The following ERCC6 variants were observed in gnomAD, a reference collection of about 807,000 sequenced individuals.
ERCC6 encodes DNA excision repair protein ERCC-6.
A neutral mutation model predicts 158.7 loss-of-function variants in ERCC6; 116 were observed. The ratio of observed to expected loss-of-function variants is 0.73; its 90% CI spans 0.63 to 0.85. ERCC6 has a LOEUF of 0.85. Among genes scored for constraint, ERCC6 ranks in the 40% least tolerant of loss-of-function variants. ERCC6 has a pLI of 0.00. For synonymous variants in ERCC6, 678 were observed against 659.3 expected (o/e 1.03, Z -0.43); for missense variants, 1,698 against 1,799.4 (o/e 0.94, Z 1.02).
Position 49,524,146 on chromosome 10 carries a change from T to TG in ERCC6, c.1283dup (p.Ser429LysfsTer7), listed in dbSNP as rs1837248544. ...CAGCTTCAGCTTCTTCCCCAGAACT[T>TG]GGGAAAAAGTCATCATCAATCTCCT... On this transcript the variant is annotated frameshift_variant, in exon 5 of 21. Transcript: ENST00000355832. LOFTEE classifies it high-confidence loss of function. The TG allele has an allele frequency of 6.2e-7, 1 of 1,614,102 alleles. No homozygotes were observed.
chr10:49,513,046 G>A (rs1157468881), intron 5 of ERCC6, among the ~76,000 whole-genome samples: 1 of 152,166 alleles, frequency 6.6e-6, no homozygotes, highest in Non-Finnish European at 1.5e-5. Flanking sequence ...CTGCCTTGGT[G>A]GAATCTTTGT....
At position 49,470,913 on chromosome 10, in the gene ERCC6, A is replaced by G. The variant is rs566909606; in HGVS notation, c.3071-24T>C. Reference sequence around the variant, plus strand: ...TCCTGTAAAGAGGAAAAACACCACTAATACTATATTGTATCATCTTGTGCA... The same window carrying G: ...TCCTGTAAAGAGGAAAAACACCACTGATACTATATTGTATCATCTTGTGCA... On this transcript the variant is annotated intron_variant, in intron 17 of 20. Transcript: ENST00000355832. 3.7e-6 allele frequency: 6 copies of G among 1,613,532 alleles called. No individual in the cohort carries two copies. The African/African-American group carries it at 8.0e-5, about 22-fold the overall frequency.
chr10:49,466,425 G>A (rs892539526), intron 18 of ERCC6, among the ~76,000 whole-genome samples: 1 of 152,200 alleles, frequency 6.6e-6, no homozygotes, highest in African/African-American at 2.4e-5. Flanking sequence ...CTAGGGTGCT[G>A]AAATGAAATT....
chr10:49,436,475 C>T, the ERCC6 span, among the ~76,000 whole-genome samples: 1 of 151,804 alleles, frequency 6.6e-6, no homozygotes, highest in African/African-American at 2.4e-5. Context: ...CCCTACAAAT[C>T]AATAAGAGAA....
intron 10 of ERCC6, 94 bp downstream of exon 10, chr10:49,482,593 T>A: frequency 9.7e-7 from 1 of 1,035,486 alleles, no homozygotes; most frequent in Non-Finnish European, 1.4e-6. Context: ...GCCATCTTTC[T>A]CACATTCTGA....
chr10:49,515,400 G>C, intron 5 of ERCC6: 1 of 1,614,130 alleles, frequency 6.2e-7, no homozygotes, highest in Non-Finnish European at 8.5e-7. Context: ...ACATCGAAAA[G>C]TTGTGTTCTT....
At position 49,488,741 on chromosome 10, in the gene ERCC6, C is replaced by T. The variant is rs191684401; in HGVS notation, c.1821+4376G>A. Among the ~76,000 whole-genome samples, 318 of 150,892 alleles carry T rather than the reference C, an allele frequency of 2.1e-3. 3 individuals carry two copies. The highest frequency in any genetic ancestry group is 3.8e-3 in the Non-Finnish European group (256 of 67,814). On this transcript the variant is annotated intron_variant, in intron 8 of 20. Transcript: ENST00000355832. ...TCAGAAAACAGGCCCTTTTAAAGAA[C>T]ATGTTGATGGGAGTTTCATCGGATG...
chr10:49,539,124 A>T (rs1590504464), upstream of ERCC6: 1 of 152,314 alleles, frequency 6.6e-6, no homozygotes, highest in African/African-American at 2.4e-5. Flanking sequence ...CCCGTGGCGC[A>T]TGCGCCTGGC....
intron 18 of ERCC6, among the ~76,000 whole-genome samples, chr10:49,464,317 C>G (rs1028377862): frequency 6.6e-6 from 1 of 152,032 alleles, no homozygotes; most frequent in South Asian, 2.1e-4. Context: ...GGGTATCTGG[C>G]GGAAGAAATT....
At position 49,457,933 on chromosome 10, in the gene ERCC6, T is replaced by C. The variant is rs1489060339; in HGVS notation, c.*882A>G. The C allele has an allele frequency of 6.6e-6, 1 of 152,198 alleles. No homozygotes were observed. Among genetic ancestry groups the C allele is most frequent in the Non-Finnish European group, 1.5e-5 (1 of 68,058 alleles). The allele number at this position is 152,198 out of a possible 1,614,324, so 9.4% of individuals were successfully genotyped here. A position where few individuals can be genotyped will look rare whatever the true frequency, so the allele number is the denominator to read the frequency against. Reference sequence around the variant, plus strand: ...AAGGCAGGCGCAAGACGAAGGCAACTGGAGAGAAGACAGCCTGCCAGCCTG... The same window carrying C: ...AAGGCAGGCGCAAGACGAAGGCAACCGGAGAGAAGACAGCCTGCCAGCCTG... On this transcript the variant is annotated 3_prime_UTR_variant, in exon 21 of 21. Transcript: ENST00000355832.
At position 49,461,561 on chromosome 10, in the gene ERCC6, C is replaced by G. The variant is rs1850584184; in HGVS notation, c.3779-5G>C. ...TCATGACACTGTGCACGCCAACTAG[C>G]AAGAAAAGAAATAGCAAAGTGATAT... On this transcript the variant is annotated splice_region_variant and splice_polypyrimidine_tract_variant and intron_variant, in intron 18 of 20. Coordinates refer to ENST00000355832, the MANE Select transcript of ERCC6 (RefSeq NM_000124.4). The G allele has an allele frequency of 1.2e-6, 2 of 1,610,924 alleles. No individual in the cohort carries two copies. Among genetic ancestry groups the G allele is most frequent in the Non-Finnish European group, 8.5e-7 (1 of 1,178,518 alleles).
chr10:49,445,845 T>C, the ERCC6 span, among the ~76,000 whole-genome samples: 1 of 152,138 alleles, frequency 6.6e-6, no homozygotes. Context: ...GACAAAAATA[T>C]GGGCTTGCTT....
chr10:49,524,338 C>T lies in ERCC6; in HGVS notation c.1092G>A (p.Glu364=), dbSNP rs1257006928. Residue 364 remains glutamate, a synonymous_variant, in exon 5 of 21, where the codon GAG becomes GAA. Transcript: ENST00000355832. ...CAGACTCTTCACCCTCAGAGTCTCCCTCTGCCTCTGGCCTCATGTCTGACT... is the reference window on the plus strand; with the variant it reads ...CAGACTCTTCACCCTCAGAGTCTCCTTCTGCCTCTGGCCTCATGTCTGACT... ...PWESDMRPEA[E]GDSEGEESEY... is the part of the protein sequence containing the mutation. 45 of 1,614,072 alleles carry T rather than the reference C, an allele frequency of 2.8e-5. No homozygotes were observed. The highest frequency in any genetic ancestry group is 3.7e-5 in the Non-Finnish European group (44 of 1,180,052).
the ERCC6 span, among the ~76,000 whole-genome samples, chr10:49,435,433 G>A: frequency 6.6e-6 from 1 of 152,096 alleles, no homozygotes; most frequent in Admixed American, 6.6e-5. Flanking sequence ...AACAAAAGTG[G>A]CCTCAAGAAA....
chr10:49,466,789 AG>A, intron 18 of ERCC6, among the ~76,000 whole-genome samples: 2 of 152,248 alleles, frequency 1.3e-5, no homozygotes, highest in South Asian at 4.1e-4. Flanking sequence ...ATTGTTGATT[AG>A]TATATATATT....
chr10:49,504,204 A>T (rs1242249865), intron 6 of ERCC6: 1 of 152,100 alleles, frequency 6.6e-6, no homozygotes, highest in African/African-American at 2.4e-5. Context: ...AGAAAAATGG[A>T]GACTCTATCA....
Position 49,483,437 on chromosome 10 carries a change from T to C in ERCC6, c.1901A>G (p.Asp634Gly), listed in dbSNP as rs1269117037. The change falls in exon 9 of 21, where the codon GAC becomes GGC. Residue 634 changes from aspartate to glycine, a missense_variant. Asp to Gly is a moderately conservative substitution (Grantham distance 94, BLOSUM62 -1). Transcript: ENST00000355832. ...SYSYIRLMQDDISRYDWHYVI... is the reference protein window; with the variant it reads ...SYSYIRLMQDGISRYDWHYVI... ...ATAGTGCCAGTCATACCTGCTAATG[T>C]CATCCTGCATCAATCGAATGTAGGA... The C allele has an allele frequency of 1.9e-6, 3 of 1,614,016 alleles. No individual in the cohort carries two copies. The highest frequency in any genetic ancestry group is 1.6e-4 in the Middle Eastern group (1 of 6,084).
chr10:49,470,267 G>C lies in ERCC6; in HGVS notation c.3693C>G (p.Tyr1231Ter). 6.2e-7 allele frequency: 1 copy of C among 1,614,098 alleles called. No homozygotes were observed. The highest frequency in any genetic ancestry group is 8.5e-7 in the Non-Finnish European group (1 of 1,180,000). The change falls in exon 18 of 21, where the codon TAC (tyrosine) becomes TAG (stop). Residue 1231 changes from tyrosine to a stop codon, truncating the protein, a stop_gained. Coordinates refer to ENST00000355832, the MANE Select transcript of ERCC6 (RefSeq NM_000124.4). LOFTEE classifies it high-confidence loss of function. ...RIPHLVKKRR[Y>*]QKQDSENKSE... ...TCTTGTTTTCACTGTCTTGCTTCTG[G>C]TAACGCCTTTTCTTCACCAGGTGTG...
chr10:49,440,771 G>A, the ERCC6 span, among the ~76,000 whole-genome samples: 1 of 152,278 alleles, frequency 6.6e-6, no homozygotes, highest in Admixed American at 6.5e-5. Context: ...TCTCTGAGAG[G>A]AAACTGGTGA....
Sources: gnomAD v4.1 joint callset for allele counts (sites outside exome capture counted in the v4.1 genomes callset) on GRCh38, gnomAD v4.1.1 for gene constraint, MANE v1.5 for transcripts, NCBI Gene and HGNC (gene_info 2026-07-23, HGNC 2026-07-21) for gene names.